Variants in DNAJC3 observed in about 807,000 individuals in gnomAD.
The protein encoded by DNAJC3 is DnaJ heat shock protein family (Hsp40) member C3.
DNAJC3 carries 38 observed loss-of-function variants against 68.6 expected under a neutral mutation model. The ratio of observed to expected loss-of-function variants is 0.55; its 90% CI spans 0.43 to 0.73. The LOEUF (loss-of-function observed/expected upper bound fraction) is 0.73, where lower values mean the gene tolerates loss of function less well. Among genes scored for constraint, DNAJC3 ranks in the 30% least tolerant of loss-of-function variants. The pLI is 0.00. For missense variants in DNAJC3, 526 were observed against 591.9 expected, an observed-to-expected ratio of 0.89 and a Z score of 1.16; for synonymous variants, 203 against 204.0, an observed-to-expected ratio of 1.00 and a Z score of 0.04.
intron 4 of DNAJC3, among the ~76,000 whole-genome samples, chr13:95,751,210 A>C (rs1882470191): frequency 6.6e-6 from 1 of 152,240 alleles, no homozygotes; most frequent in South Asian, 2.1e-4. Flanking sequence ...CACTCCAGCC[A>C]GAGTGACAGA....
chr13:95,791,826 C>G lies in DNAJC3; in HGVS notation c.*796C>G, dbSNP rs1030874934. The G allele has an allele frequency of 6.6e-6, 1 of 152,282 alleles. No individual in the cohort carries two copies. Among genetic ancestry groups the G allele is most frequent in the South Asian group, 2.1e-4 (1 of 4,820 alleles). The allele number at this position is 152,282 out of a possible 1,614,324, so 9.4% of individuals were successfully genotyped here. A position where few individuals can be genotyped will look rare whatever the true frequency, so the allele number is the denominator to read the frequency against. The stretch of plus-strand genomic sequence containing the variant: ...AGTGGTGGTATTTAAAATAATATTG[C>G]TGAAGTGCAGATTGAAATACTTTTT... On this transcript the variant is annotated 3_prime_UTR_variant, in exon 12 of 12. Coordinates refer to ENST00000602402, the MANE Select transcript of DNAJC3 (RefSeq NM_006260.5).
intron 9 of DNAJC3, among the ~76,000 whole-genome samples, chr13:95,766,816 T>C (rs940240386): frequency 6.6e-6 from 1 of 152,048 alleles, no homozygotes; most frequent in African/African-American, 2.4e-5. Context: ...TTCTCCTGCC[T>C]CAGCCTCCTG....
At chr13:95,713,373 GTC>G (rs1881037333) in intron 2 of DNAJC3, among the ~76,000 whole-genome samples, 2 of 151,846 alleles carry the variant, frequency 1.3e-5, no homozygotes, top group Admixed American at 1.3e-4. Flanking sequence ...TAGCAACAGA[GTC>G]TCTCTATATT....
chr13:95,704,168 C>T (rs1880654725), intron 1 of DNAJC3, among the ~76,000 whole-genome samples: 1 of 152,148 alleles, frequency 6.6e-6, no homozygotes, highest in Non-Finnish European at 1.5e-5. Context: ...TGTTGTGTCC[C>T]CTTTGGAAGC....
chr13:95,709,219 AT>A lies in DNAJC3; in HGVS notation c.83-3del. On this transcript the variant is annotated splice_polypyrimidine_tract_variant and splice_region_variant and intron_variant, in intron 1 of 11. Coordinates refer to ENST00000602402, the MANE Select transcript of DNAJC3 (RefSeq NM_006260.5). Reference sequence around the variant, plus strand: ...AAGTTAACTGATTGTTTTTAATTTTATTTTTAGGTGCTGAATGTGGAGTAAA... The same window carrying A: ...AAGTTAACTGATTGTTTTTAATTTTATTTTAGGTGCTGAATGTGGAGTAAA... 6.6e-7 allele frequency: 1 copy of A among 1,506,420 alleles called. No homozygotes were observed. Among genetic ancestry groups the A allele is most frequent in the Admixed American group, 2.2e-5 (1 of 44,902 alleles). 93.3% of individuals were successfully genotyped at this position (1,506,420 alleles called of 1,614,324 possible). A position where few individuals can be genotyped will look rare whatever the true frequency, so the allele number is the denominator to read the frequency against.
chr13:95,733,960 G>A lies in DNAJC3; in HGVS notation c.393+8708G>A, dbSNP rs566208575. ...TAATCTGTTTAAATAACCTTGAAAA[G>A]TTATTACTGATATGTGAGATTTCAT... On this transcript the variant is annotated intron_variant, in intron 4 of 11. Coordinates refer to ENST00000602402, the MANE Select transcript of DNAJC3 (RefSeq NM_006260.5). 1.3e-3 allele frequency among the ~76,000 whole-genome samples: 196 copies of A among 152,172 alleles called. 2 individuals carry two copies. Among genetic ancestry groups the A allele is most frequent in the Middle Eastern group, 6.8e-3 (2 of 294 alleles).
intron 4 of DNAJC3, among the ~76,000 whole-genome samples, chr13:95,738,346 G>A (rs1211659242): frequency 6.7e-6 from 1 of 148,978 alleles, no homozygotes; most frequent in Non-Finnish European, 1.5e-5. Context: ...GGTCCGCTTG[G>A]TGCAGAGCTG....
At chr13:95,704,431 GTGC>G (rs1026019610) in intron 1 of DNAJC3, among the ~76,000 whole-genome samples, 2 of 152,188 alleles carry the variant, frequency 1.3e-5, no homozygotes, top group Non-Finnish European at 2.9e-5. Flanking sequence ...CTCCTAACTA[GTGC>G]TGCTGCTGAA....
At chr13:95,723,152 C>A in intron 2 of DNAJC3, 90 bp from the exon 3 acceptor site, 1 of 1,178,072 alleles carries the variant, frequency 8.5e-7, no homozygotes, top group Non-Finnish European at 1.2e-6. Flanking sequence ...AGTAGAGTTG[C>A]AAGTGCTGAT....
intron 4 of DNAJC3, chr13:95,742,688 T>C (rs374727035): frequency 3.9e-5 from 20 of 518,894 alleles, no homozygotes; most frequent in Non-Finnish European, 7.7e-5. Flanking sequence ...AGATGATCTA[T>C]ACTTGCTATT....
At chr13:95,739,155 A>G (rs61975190) in intron 4 of DNAJC3, among the ~76,000 whole-genome samples, 13,731 of 150,984 alleles carry the variant, frequency 0.091, 908 homozygotes, top group African/African-American at 0.19. Flanking sequence ...ATTGGCCCCC[A>G]CTCTCTTCTG....
intron 4 of DNAJC3, among the ~76,000 whole-genome samples, chr13:95,732,649 A>G (rs1172440207): frequency 1.4e-5 from 2 of 147,674 alleles, no homozygotes. Flanking sequence ...GATCCCTTGC[A>G]TTGTTTTTTT....
At chr13:95,698,130 TG>T (rs1189458323) in intron 1 of DNAJC3, among the ~76,000 whole-genome samples, 1 of 152,268 alleles carries the variant, frequency 6.6e-6, no homozygotes, top group Admixed American at 6.5e-5. Flanking sequence ...CAACCTGCCT[TG>T]TGCCTATAGA....
At chr13:95,678,006 A>C (rs1879809015) in intron 1 of DNAJC3, among the ~76,000 whole-genome samples, 1 of 152,150 alleles carries the variant, frequency 6.6e-6, no homozygotes, top group Non-Finnish European at 1.5e-5. Flanking sequence ...TTACTTTTCC[A>C]AGTTCGCTGT....
At chr13:95,764,683 T>TATATATATATATAC (rs36030034) in intron 9 of DNAJC3, among the ~76,000 whole-genome samples, 2 of 88,264 alleles carry the variant, frequency 2.3e-5, no homozygotes, top group Non-Finnish European at 4.2e-5. Context: ...TATATATATA[T>TATATATATATATAC]ACACACACAC....
chr13:95,679,199 CTTTTTTTT>C (rs3086610), intron 1 of DNAJC3, among the ~76,000 whole-genome samples: 18 of 108,388 alleles, frequency 1.7e-4, no homozygotes, highest in Admixed American at 2.0e-4. Context: ...AAAATCAGCA[CTTTTTTTT>C]TTTTTTTTTT....
rs375603407 is a variant in DNAJC3 at position 95,708,470 on chromosome 13, C to T, written c.83-757C>T. Among the ~76,000 whole-genome samples, 5 of 152,290 alleles carry T rather than the reference C, an allele frequency of 3.3e-5. No homozygotes were observed. The South Asian group carries it at 6.2e-4, about 19-fold the overall frequency. ...CTTGGCTCTGCTGCAGCCATCCAGG[C>T]CTTTCTCCTGTTTCTGGAACATATC... On this transcript the variant is annotated intron_variant, in intron 1 of 11. Coordinates refer to ENST00000602402, the MANE Select transcript of DNAJC3 (RefSeq NM_006260.5).
At chr13:95,707,282 A>G (rs1000820361) in intron 1 of DNAJC3, among the ~76,000 whole-genome samples, 1 of 152,112 alleles carries the variant, frequency 6.6e-6, no homozygotes, top group Non-Finnish European at 1.5e-5. Flanking sequence ...CTAACAGGCC[A>G]TGGACTGGTA....
At chr13:95,722,856 A>G (rs951115883) in intron 2 of DNAJC3, among the ~76,000 whole-genome samples, 2 of 112,144 alleles carry the variant, frequency 1.8e-5, no homozygotes, top group South Asian at 3.2e-4. Context: ...AAAGGTTATA[A>G]GTTGAATATA....
Sources: gnomAD v4.1 joint callset for allele counts (sites outside exome capture counted in the v4.1 genomes callset) on GRCh38, gnomAD v4.1.1 for gene constraint, MANE v1.5 for transcripts, NCBI Gene and HGNC (gene_info 2026-07-23, HGNC 2026-07-21) for gene names.